Variants in DYM observed in about 807,000 individuals in gnomAD.
The protein encoded by DYM is dymeclin, also known as dyggve-Melchior-Clausen syndrome protein.
A neutral mutation model predicts 93.1 loss-of-function variants in DYM; 78 were observed. The ratio of observed to expected loss-of-function variants is 0.84; its 90% CI spans 0.70 to 1.01. DYM has a LOEUF of 1.01. Among genes scored for constraint, DYM ranks in the 50% least tolerant of loss-of-function variants. The pLI is 0.00. For missense variants in DYM, 789 were observed against 845.0 expected, an observed-to-expected ratio of 0.93 and a Z score of 0.82; for synonymous variants, 321 against 319.7, an observed-to-expected ratio of 1.00 and a Z score of -0.04.
chr18:49,055,381 G>C (rs1450439311), intron 17 of DYM, among the ~76,000 whole-genome samples: 1 of 152,196 alleles, frequency 6.6e-6, no homozygotes, highest in Non-Finnish European at 1.5e-5. Context: ...CGGGGCACCA[G>C]GTGAAGTTGC....
intron 1 of DYM, among the ~76,000 whole-genome samples, chr18:49,431,544 G>T (rs2080317968): frequency 6.6e-6 from 1 of 152,168 alleles, no homozygotes; most frequent in Non-Finnish European, 1.5e-5. Flanking sequence ...CATAGATTTA[G>T]ATCATGTTTT....
At chr18:49,102,840 A>C (rs1358686342) in intron 16 of DYM, among the ~76,000 whole-genome samples, 9 of 152,142 alleles carry the variant, frequency 5.9e-5, no homozygotes, top group Non-Finnish European at 8.8e-5. Context: ...CTTGGTTCCA[A>C]GTCTTTGCTA....
chr18:49,441,139 TA>T (rs2081464294), intron 1 of DYM, among the ~76,000 whole-genome samples: 1 of 3,530 alleles, frequency 2.8e-4, no homozygotes, highest in Non-Finnish European at 9.2e-4. Flanking sequence ...TATATAAATA[TA>T]TTATATAATA....
At chr18:49,200,004 A>T (rs1314197988) in intron 14 of DYM, among the ~76,000 whole-genome samples, 1 of 152,176 alleles carries the variant, frequency 6.6e-6, no homozygotes, top group Non-Finnish European at 1.5e-5. Context: ...AAAAAGAAGA[A>T]AAAAAGCAAA....
In DYM at chr18:49,274,502, A is replaced by G. The variant is rs531223415; in HGVS notation, c.1126-2199T>C. 9.2e-5 allele frequency among the ~76,000 whole-genome samples: 14 copies of G among 152,300 alleles called. No individual in the cohort carries two copies. The South Asian group carries it at 2.9e-3, about 32-fold the overall frequency. On this transcript the variant is annotated intron_variant, in intron 10 of 17. Coordinates refer to ENST00000675505, the MANE Select transcript of DYM (RefSeq NM_001353214.3). ...ACATATACTCATTTCTCTTGGGTAT[A>G]TATCTAGCCTTGGAATTGCTGGATC... is the stretch of plus-strand genomic sequence containing the variant.
chr18:49,146,541 T>C (rs375272061), intron 15 of DYM, among the ~76,000 whole-genome samples: 6 of 152,306 alleles, frequency 3.9e-5, no homozygotes, highest in African/African-American at 1.2e-4. Flanking sequence ...AGCATTCTTA[T>C]ACACCAATAA....
intron 8 of DYM, among the ~76,000 whole-genome samples, chr18:49,329,400 G>C (rs113057086): frequency 2.6e-5 from 4 of 152,074 alleles, no homozygotes; most frequent in Non-Finnish European, 5.9e-5. Flanking sequence ...AAACCTGCAC[G>C]TTGTGCACAT....
At chr18:49,212,700 T>C (rs996614265) in intron 13 of DYM, among the ~76,000 whole-genome samples, 2 of 152,146 alleles carry the variant, frequency 1.3e-5, no homozygotes, top group Admixed American at 6.5e-5. Flanking sequence ...TCTCACTATA[T>C]TGCCCAGTCT....
At chr18:49,393,105 GA>G (rs2069575586) in intron 2 of DYM, among the ~76,000 whole-genome samples, 1 of 9,012 alleles carries the variant, frequency 1.1e-4, no homozygotes, top group Non-Finnish European at 2.5e-4. Flanking sequence ...AGGAAGGAAG[GA>G]AGGAAGGAAG....
At position 49,252,896 on chromosome 18, in the gene DYM, C is replaced by T. The variant is rs376423241; in HGVS notation, c.1460+4114G>A. ...TAACCTCATAATCCCAAATAAAGAA[C>T]GCAGCAAATATGCACACTTATGGCA... On this transcript the variant is annotated intron_variant, in intron 13 of 17. Coordinates refer to ENST00000675505, the MANE Select transcript of DYM (RefSeq NM_001353214.3). 3.9e-5 allele frequency among the ~76,000 whole-genome samples: 6 copies of T among 152,054 alleles called. No individual in the cohort carries two copies. The East Asian group carries it at 7.7e-4, about 20-fold the overall frequency.
chr18:49,360,452 T>C (rs901408616), intron 6 of DYM, among the ~76,000 whole-genome samples: 4 of 151,984 alleles, frequency 2.6e-5, no homozygotes, highest in African/African-American at 9.7e-5. Context: ...TGAAACCCTA[T>C]CTCTACTAAA....
At chr18:49,075,594 G>T (rs1279244253) in intron 17 of DYM, among the ~76,000 whole-genome samples, 1 of 152,172 alleles carries the variant, frequency 6.6e-6, no homozygotes, top group Non-Finnish European at 1.5e-5. Context: ...CCTTGCTTGG[G>T]AAAATGGCCA....
intron 17 of DYM, among the ~76,000 whole-genome samples, chr18:49,069,496 G>A (rs1351441736): frequency 6.6e-6 from 1 of 151,974 alleles, no homozygotes; most frequent in Non-Finnish European, 1.5e-5. Flanking sequence ...AACTCTTTTT[G>A]GTATATTTTC....
chr18:49,188,953 A>G (rs1425718509), intron 14 of DYM, among the ~76,000 whole-genome samples: 1 of 152,234 alleles, frequency 6.6e-6, no homozygotes, highest in African/African-American at 2.4e-5. Context: ...GGTGGAGTGG[A>G]TGAAGAAAAT....
At chr18:49,185,221 T>C (rs780312320) in intron 14 of DYM, among the ~76,000 whole-genome samples, 2 of 152,362 alleles carry the variant, frequency 1.3e-5, no homozygotes, top group African/African-American at 4.8e-5. Flanking sequence ...AAAAGTTTCA[T>C]CTTTCTTAAA....
At position 49,230,930 on chromosome 18, in the gene DYM, C is replaced by T. The variant is rs552599050; in HGVS notation, c.1461-21215G>A. Reference sequence around the variant, plus strand: ...AAAGGCAAAAAAGAGTATTTCTACACGATGAATATACTTTAAAATGCACAT... The same window carrying T: ...AAAGGCAAAAAAGAGTATTTCTACATGATGAATATACTTTAAAATGCACAT... On this transcript the variant is annotated intron_variant, in intron 13 of 17. Transcript: ENST00000675505. 1.4e-3 allele frequency among the ~76,000 whole-genome samples: 218 copies of T among 152,176 alleles called. 3 individuals are homozygous for T. Among genetic ancestry groups the T allele is most frequent in the Non-Finnish European group, 7.4e-4 (50 of 67,998 alleles).
At chr18:49,393,103 A>AAGAAGGGAG (rs2069574249) in intron 2 of DYM, among the ~76,000 whole-genome samples, 1 of 1,982 alleles carries the variant, frequency 5.0e-4, no homozygotes, top group Admixed American at 4.9e-3. Context: ...GAAGGAAGGA[A>AAGAAGGGAG]GGAAGGAAGG....
At position 49,073,985 on chromosome 18, in the gene DYM, G is replaced by A. The variant is rs553314796; in HGVS notation, c.2025+23417C>T. 5.3e-5 allele frequency among the ~76,000 whole-genome samples: 8 copies of A among 152,314 alleles called. No individual in the cohort carries two copies. The South Asian group carries it at 1.5e-3, about 28-fold the overall frequency. ...AATTTGGTATCAAAACGTTAAGATG[G>A]AAGGGAAAGGGAGTCTCCCAGCTTA... is the stretch of plus-strand genomic sequence containing the variant. On this transcript the variant is annotated intron_variant, in intron 17 of 17. Coordinates refer to ENST00000675505, the MANE Select transcript of DYM (RefSeq NM_001353214.3).
At chr18:49,317,646 C>CCTTCCT (rs2062090159) in intron 8 of DYM, among the ~76,000 whole-genome samples, 8 of 36,610 alleles carry the variant, frequency 2.2e-4, no homozygotes, top group South Asian at 1.5e-3. Context: ...ATCCTCTCCT[C>CCTTCCT]TCCTTCCTTC....
Sources: gnomAD v4.1 joint callset for allele counts (sites outside exome capture counted in the v4.1 genomes callset) on GRCh38, gnomAD v4.1.1 for gene constraint, MANE v1.5 for transcripts, NCBI Gene and HGNC (gene_info 2026-07-23, HGNC 2026-07-21) for gene names.